DTNA: variants seen among roughly 807,000 people sequenced by gnomAD.
The protein encoded by DTNA is dystrobrevin alpha.
A neutral mutation model predicts 100.7 loss-of-function variants in DTNA; 43 were observed. The ratio of observed to expected loss-of-function variants is 0.43; its 90% CI spans 0.33 to 0.55. DTNA has a LOEUF of 0.55. DTNA is among the 20% of genes least tolerant of loss of function. DTNA has a pLI of 0.04. For synonymous variants in DTNA, 349 were observed against 347.9 expected, an observed-to-expected ratio of 1.00 and a Z score of -0.04; for missense variants, 798 against 953.9, an observed-to-expected ratio of 0.84 and a Z score of 2.15.
chr18:34,787,495 A>T (rs1038574264), intron 3 of DTNA, among the ~76,000 whole-genome samples: 2 of 152,168 alleles, frequency 1.3e-5, no homozygotes, highest in Admixed American at 6.5e-5. Flanking sequence ...TGTCTTTTTG[A>T]TATTTTTCTC....
chr18:34,746,361 TA>T (rs2091578836), intron 1 of DTNA, among the ~76,000 whole-genome samples: 1 of 152,150 alleles, frequency 6.6e-6, no homozygotes, highest in Non-Finnish European at 1.5e-5. Context: ...CATTTCCTAA[TA>T]CCCTTTCCCC....
At chr18:34,679,820 T>C (rs1489170500) in intron 1 of DTNA, among the ~76,000 whole-genome samples, 21 of 152,172 alleles carry the variant, frequency 1.4e-4, no homozygotes, top group Admixed American at 1.4e-3. Flanking sequence ...ATTATTATTA[T>C]TATCAGAAAC....
chr18:34,666,080 ATC>A (rs2075881774), intron 1 of DTNA, among the ~76,000 whole-genome samples: 1 of 152,172 alleles, frequency 6.6e-6, no homozygotes, highest in South Asian at 2.1e-4. Context: ...CCTCTCCAGC[ATC>A]TGTTGTTTCC....
At chr18:34,667,523 C>T (rs1876302120) in intron 1 of DTNA, among the ~76,000 whole-genome samples, 1 of 152,134 alleles carries the variant, frequency 6.6e-6, no homozygotes. Context: ...GGAATGCTTC[C>T]AGTTTTTGCC....
chr18:34,526,425 C>T (rs897208420), intron 1 of DTNA, among the ~76,000 whole-genome samples: 31 of 152,056 alleles, frequency 2.0e-4, no homozygotes, highest in African/African-American at 7.2e-4. Context: ...TAGGTTCAAA[C>T]ATTATTATGT....
chr18:34,674,423 A>G (rs915237982), intron 1 of DTNA, among the ~76,000 whole-genome samples: 3 of 152,204 alleles, frequency 2.0e-5, no homozygotes, highest in Non-Finnish European at 4.4e-5. Flanking sequence ...TAAGCATCCA[A>G]TAGCACTAAT....
intron 1 of DTNA, among the ~76,000 whole-genome samples, chr18:34,676,343 C>A (rs572615223): frequency 6.6e-6 from 1 of 152,298 alleles, no homozygotes; most frequent in Admixed American, 6.5e-5. Context: ...GAATGAAATA[C>A]TTCTTTCTTT....
chr18:34,774,601 TACAA>T (rs2093951321), intron 3 of DTNA, among the ~76,000 whole-genome samples: 1 of 152,230 alleles, frequency 6.6e-6, no homozygotes, highest in Non-Finnish European at 1.5e-5. Flanking sequence ...ACAGTGTGAG[TACAA>T]AGTGGACCAT....
At chr18:34,773,652 C>T (rs1473259469) in intron 3 of DTNA, among the ~76,000 whole-genome samples, 1 of 152,202 alleles carries the variant, frequency 6.6e-6, no homozygotes, top group East Asian at 1.9e-4. Context: ...CCAAAAATTC[C>T]CTGTGGGAAA....
intron 1 of DTNA, among the ~76,000 whole-genome samples, chr18:34,613,752 A>G (rs2054685241): frequency 6.6e-6 from 1 of 152,226 alleles, no homozygotes; most frequent in African/African-American, 2.4e-5. Context: ...AGGTTGGTTC[A>G]TGAGGTTGAA....
chr18:34,577,638 T>C (rs1419682719), intron 1 of DTNA, among the ~76,000 whole-genome samples: 1 of 152,196 alleles, frequency 6.6e-6, no homozygotes, highest in Non-Finnish European at 1.5e-5. Flanking sequence ...TTCTTATGCC[T>C]TTGCATCCTC....
rs1002538086 is a variant in DTNA, at chr18:34,862,124, CAAAAA to C, written c.1647-1827_1647-1823del. The stretch of plus-strand genomic sequence containing the variant: ...CTGGAACACCATACACAGACAAGGT[CAAAAA>C]AAAAAAAAAAAAAAGAGAAAGAGAA... On this transcript the variant is annotated intron_variant, in intron 16 of 22. Coordinates refer to ENST00000444659, the MANE Select transcript of DTNA (RefSeq NM_001386795.1). Among the ~76,000 whole-genome samples the C allele has an allele frequency of 4.3e-3, 244 of 56,254 alleles. 1 individual carries two copies. The highest frequency in any genetic ancestry group is 0.017 in the African/African-American group (237 of 14,362). The allele number at this position is 56,254 out of a possible 152,430, so 36.9% of individuals were successfully genotyped here.
chr18:34,546,762 T>G (rs1345673126), intron 1 of DTNA, among the ~76,000 whole-genome samples: 4 of 151,690 alleles, frequency 2.6e-5, no homozygotes, highest in African/African-American at 9.7e-5. Context: ...TTTCTTTCTT[T>G]CTTTTTTTTT....
chr18:34,887,530 A>G (rs900722783), intron 22 of DTNA, among the ~76,000 whole-genome samples: 24 of 152,180 alleles, frequency 1.6e-4, no homozygotes, highest in African/African-American at 5.6e-4. Flanking sequence ...GGTACCCACT[A>G]AGAAAGAGAT....
chr18:34,781,723 G>A (rs1480434), intron 3 of DTNA, among the ~76,000 whole-genome samples: 39,823 of 152,012 alleles, frequency 0.26, 5,401 homozygotes, highest in African/African-American at 0.32. Context: ...TAAATAAAGT[G>A]GATTTTCTGT....
chr18:34,621,586 A>G (rs1173318977), intron 1 of DTNA, among the ~76,000 whole-genome samples: 1 of 152,176 alleles, frequency 6.6e-6, no homozygotes, highest in Non-Finnish European at 1.5e-5. Flanking sequence ...AGAAAGGCAA[A>G]CACTGCCTGA....
At chr18:34,709,969 G>T (rs1449253357), upstream of DTNA, among the ~76,000 whole-genome samples, 1 of 152,216 alleles carries the variant, frequency 6.6e-6, no homozygotes, top group African/African-American at 2.4e-5. Flanking sequence ...AAAATATTTA[G>T]TTGGCTGATG....
intron 1 of DTNA, among the ~76,000 whole-genome samples, chr18:34,592,467 AACACACACACACACACACAC>A (rs3078085): frequency 1.4e-5 from 2 of 139,436 alleles, no homozygotes; most frequent in Admixed American, 7.1e-5. Flanking sequence ...ACACTTGTAT[AACACACACACACACACACAC>A]ACACACACAC....
In DTNA at chr18:34,858,389, G is replaced by T. The variant is rs773504046; in HGVS notation, c.1637G>T (p.Arg546Leu). ...QQNPTLLAEL[R>L]LLRQRKDELE... ...AACCCCACCCTGCTGGCAGAACTCC[G>T]GCTCCTCAGGTAGGAGAGAGCACCC... is the stretch of plus-strand genomic sequence containing the variant. The change falls in exon 16 of 23, where the codon CGG (arginine) becomes CTG (leucine). Residue 546 changes from arginine to leucine, a missense_variant. Transcript: ENST00000444659. The T allele has an allele frequency of 6.2e-7, 1 of 1,613,980 alleles. No homozygotes were observed. Among genetic ancestry groups the T allele is most frequent in the Admixed American group, 1.7e-5 (1 of 60,006 alleles).
Sources: allele counts gnomAD v4.1 joint callset (sites outside exome capture counted in the v4.1 genomes callset), GRCh38; gene constraint gnomAD v4.1.1; transcripts MANE v1.5; gene names NCBI Gene and HGNC (gene_info 2026-07-23, HGNC 2026-07-21).